Variants in AP3B1 observed in about 807,000 individuals in gnomAD.
The protein encoded by AP3B1 is AP-3 complex subunit beta-1.
Under a neutral mutation model 132.5 loss-of-function variants are expected in AP3B1, and 61 were observed. That is an observed-to-expected ratio of 0.46 (90% confidence interval 0.37 to 0.57). The LOEUF (loss-of-function observed/expected upper bound fraction) is 0.57. Ranked by LOEUF, AP3B1 falls within the 20% of genes least tolerant of loss-of-function variation. The pLI is 0.00. For missense variants in AP3B1, 1,120 were observed against 1,289.4 expected, an observed-to-expected ratio of 0.87 and a Z score of 2.01; for synonymous variants, 388 against 438.3, an observed-to-expected ratio of 0.89 and a Z score of 1.43.
intron 22 of AP3B1, among the ~76,000 whole-genome samples, chr5:78,079,163 T>G (rs1387597506): frequency 6.6e-6 from 1 of 152,228 alleles, no homozygotes; most frequent in East Asian, 1.9e-4. Context: ...TACTGAATGT[T>G]TTTTAAAAAG....
At chr5:78,201,428 T>C (rs1745284407) in intron 7 of AP3B1, among the ~76,000 whole-genome samples, 2 of 152,182 alleles carry the variant, frequency 1.3e-5, no homozygotes, top group Non-Finnish European at 2.9e-5. Context: ...GGATAAACTA[T>C]GGAATATTCA....
chr5:78,247,821 A>G (rs577224682), intron 2 of AP3B1, among the ~76,000 whole-genome samples: 41 of 152,308 alleles, frequency 2.7e-4, no homozygotes, highest in Admixed American at 1.1e-3. Flanking sequence ...GACCACTTAC[A>G]TGTAATAGAA....
At chr5:78,030,136 T>C (rs77711684) in intron 24 of AP3B1, among the ~76,000 whole-genome samples, 1 of 151,398 alleles carries the variant, frequency 6.6e-6, no homozygotes, top group African/African-American at 2.4e-5. Context: ...CTGTCTCTGA[T>C]TTTTTTTTGA....
chr5:78,285,275 A>G (rs1749227781), intron 1 of AP3B1, among the ~76,000 whole-genome samples: 1 of 151,486 alleles, frequency 6.6e-6, no homozygotes, highest in Non-Finnish European at 1.5e-5. Flanking sequence ...ACTAACCACA[A>G]TTCTTCTTCT....
At chr5:78,256,801 C>T (rs1561203669) in intron 2 of AP3B1, among the ~76,000 whole-genome samples, 1 of 152,098 alleles carries the variant, frequency 6.6e-6, no homozygotes, top group African/African-American at 2.4e-5. Context: ...TTCAACAATA[C>T]ATCAGAAAGA....
intron 22 of AP3B1, among the ~76,000 whole-genome samples, chr5:78,060,052 C>G (rs77067728): frequency 0.023 from 3,450 of 151,904 alleles, 130 homozygotes; most frequent in African/African-American, 0.076. Context: ...AATAAAATAC[C>G]TAGGTTAGAA....
chr5:78,091,307 G>A (rs1304407016), intron 21 of AP3B1, among the ~76,000 whole-genome samples: 5 of 141,790 alleles, frequency 3.5e-5, no homozygotes, highest in African/African-American at 1.3e-4. Flanking sequence ...TAACAATACA[G>A]TCCATAAATG....
chr5:78,198,806 T>C lies in AP3B1; in HGVS notation c.787-17144A>G, dbSNP rs535591811. Among the ~76,000 whole-genome samples the C allele has an allele frequency of 2.0e-5, 3 of 152,286 alleles. No homozygotes were observed. In the South Asian group the frequency reaches 6.2e-4, roughly 32 times the overall value. ...CTAATATAATAATCACTCAGTCAAATTAGTTACTAAGCAGGAAGAGAATAC... is the reference window on the plus strand; with the variant it reads ...CTAATATAATAATCACTCAGTCAAACTAGTTACTAAGCAGGAAGAGAATAC... On this transcript the variant is annotated intron_variant, in intron 7 of 26. Coordinates refer to ENST00000255194, the MANE Select transcript of AP3B1 (RefSeq NM_003664.5).
At chr5:78,248,545 C>A (rs114152594) in intron 2 of AP3B1, among the ~76,000 whole-genome samples, 1,594 of 149,820 alleles carry the variant, frequency 0.011, 13 homozygotes, top group Middle Eastern at 0.028. Context: ...ACATTGCAAC[C>A]ATATAGACTC....
intron 1 of AP3B1, among the ~76,000 whole-genome samples, chr5:78,273,878 A>AAAAAAC (rs1228650697): frequency 6.6e-6 from 1 of 152,088 alleles, no homozygotes; most frequent in Non-Finnish European, 1.5e-5. Context: ...TGGCTGGAAA[A>AAAAAAC]AAAAACAAAA....
chr5:78,049,535 C>T (rs1204348066), intron 22 of AP3B1, among the ~76,000 whole-genome samples: 1 of 152,164 alleles, frequency 6.6e-6, no homozygotes, highest in Non-Finnish European at 1.5e-5. Flanking sequence ...AATGTCATGA[C>T]AGAAGCAGGC....
intron 1 of AP3B1, among the ~76,000 whole-genome samples, chr5:78,286,495 A>G (rs6890120): frequency 0.52 from 78,257 of 151,934 alleles, 20,411 homozygotes; most frequent in Non-Finnish European, 0.55. Flanking sequence ...CGGCAACAAC[A>G]GACCATCTTA....
intron 21 of AP3B1, among the ~76,000 whole-genome samples, chr5:78,093,680 C>T (rs1750634459): frequency 6.6e-6 from 1 of 152,130 alleles, no homozygotes; most frequent in Admixed American, 6.5e-5. Context: ...TTGTAATTTG[C>T]TGCATCATCT....
intron 15 of AP3B1, among the ~76,000 whole-genome samples, chr5:78,129,653 T>C (rs1476352279): frequency 6.6e-6 from 1 of 151,958 alleles, no homozygotes; most frequent in Non-Finnish European, 1.5e-5. Context: ...ACTAAAAACA[T>C]GGCACTCAAA....
intron 1 of AP3B1, among the ~76,000 whole-genome samples, chr5:78,272,051 CAGCCACCT>C (rs1267866057): frequency 6.6e-6 from 1 of 152,208 alleles, no homozygotes; most frequent in Non-Finnish European, 1.5e-5. Context: ...TCTCTAAAGG[CAGCCACCT>C]AAGAGACTTC....
In AP3B1 at chr5:78,177,432, A is replaced by G; in HGVS notation, c.947T>C (p.Val316Ala). Reference sequence around the variant, plus strand: ...CCAATACAGCTGAGCAACTGCCATAACCACCTACAAGATAAAGCATAAAAA... The same window carrying G: ...CCAATACAGCTGAGCAACTGCCATAGCCACCTACAAGATAAAGCATAAAAA... ...PLLQSRNAAV[V>A]MAVAQLYWHI... Residue 316 changes from valine (V) to alanine (A), a missense_variant, in exon 9 of 27, where the codon GTT becomes GCT. Around this residue, in one of 3 missense-constraint regions of AP3B1, gnomAD observed 906 missense variants for 997.1 expected, o/e 0.91. Transcript: ENST00000255194. 6.2e-7 allele frequency: 1 copy of G among 1,612,064 alleles called. No homozygotes were observed. Among genetic ancestry groups the G allele is most frequent in the East Asian group, 2.2e-5 (1 of 44,840 alleles).
intron 23 of AP3B1, 115 bp downstream of exon 23, chr5:78,038,928 A>C (rs2112099666): frequency 3.0e-6 from 2 of 670,544 alleles, no homozygotes; most frequent in South Asian, 3.9e-5. Context: ...GCTAATTGTC[A>C]ATACAATCAT....
intron 15 of AP3B1, among the ~76,000 whole-genome samples, chr5:78,136,525 A>C (rs2056796973): frequency 6.6e-6 from 1 of 152,168 alleles, no homozygotes; most frequent in African/African-American, 2.4e-5. Context: ...TAACATCTAC[A>C]TGTGTTATGC....
At chr5:78,149,959 T>G (rs1370493352) in intron 14 of AP3B1, among the ~76,000 whole-genome samples, 2 of 151,970 alleles carry the variant, frequency 1.3e-5, no homozygotes, top group African/African-American at 4.8e-5. Flanking sequence ...AAGATAAATG[T>G]GTAACTGCCT....
Sources: allele counts gnomAD v4.1 joint callset (sites outside exome capture counted in the v4.1 genomes callset), GRCh38; gene constraint gnomAD v4.1.1; regional missense constraint gnomAD v4.1.1; transcripts MANE v1.5; gene names NCBI Gene and HGNC (gene_info 2026-07-23, HGNC 2026-07-21).